Variants in PRKN observed in about 807,000 individuals in gnomAD.
PRKN encodes the protein parkin RBR E3 ubiquitin protein ligase.
In PRKN, 56 loss-of-function variants were observed where a neutral mutation model predicts 59.5. The observed-to-expected ratio is 0.94, with a 90% CI of 0.76 to 1.18. PRKN has a LOEUF of 1.18. Among genes scored for constraint, PRKN ranks in the 50% most tolerant of loss-of-function variants. PRKN has a pLI of 0.00. For synonymous variants in PRKN, 250 were observed against 222.1 expected (o/e 1.13, Z -1.12); for missense variants, 657 against 596.4 (o/e 1.10, Z -1.06).
intron 6 of PRKN, among the ~76,000 whole-genome samples, chr6:161,912,178 A>C (rs1316718344): frequency 1.8e-5 from 2 of 113,850 alleles, no homozygotes; most frequent in Non-Finnish European, 3.6e-5. Flanking sequence ...ATCTGTCCTA[A>C]AAAAAAAAAA....
At chr6:161,537,694 G>T (rs369403416) in intron 9 of PRKN, among the ~76,000 whole-genome samples, 2 of 152,032 alleles carry the variant, frequency 1.3e-5, no homozygotes, top group East Asian at 1.9e-4. Flanking sequence ...CTCGTGATCC[G>T]CCCGCCTTAG....
chr6:161,922,771 C>G (rs1778832252), intron 6 of PRKN, among the ~76,000 whole-genome samples: 1 of 152,068 alleles, frequency 6.6e-6, no homozygotes, highest in South Asian at 2.1e-4. Context: ...AATAAAGAAG[C>G]CAGCATAAGC....
At chr6:162,301,021 C>T (rs1204693984) in intron 2 of PRKN, among the ~76,000 whole-genome samples, 1 of 150,338 alleles carries the variant, frequency 6.7e-6, no homozygotes, top group Non-Finnish European at 1.5e-5. Context: ...TTTATAACTT[C>T]TGAAAAAAAG....
chr6:161,651,369 G>C (rs1426926203), intron 7 of PRKN, among the ~76,000 whole-genome samples: 8 of 152,146 alleles, frequency 5.3e-5, no homozygotes, highest in Non-Finnish European at 1.2e-4. Flanking sequence ...TTCAAGTATG[G>C]GCCAGGTGCT....
intron 7 of PRKN, among the ~76,000 whole-genome samples, chr6:161,766,832 T>A (rs1789442939): frequency 6.6e-6 from 1 of 152,108 alleles, no homozygotes; most frequent in Non-Finnish European, 1.5e-5. Flanking sequence ...GTGGAAGAAG[T>A]CCTAGACATG....
chr6:162,063,607 C>T (rs951838539), intron 4 of PRKN, among the ~76,000 whole-genome samples: 6 of 125,494 alleles, frequency 4.8e-5, no homozygotes, highest in Admixed American at 2.7e-4. Context: ...TGCAGTGGTG[C>T]GATCTCCGCT....
rs1360141441 is a variant in PRKN at position 161,503,420 on chromosome 6, G to T, written c.1083+45434C>A. On this transcript the variant is annotated intron_variant, in intron 9 of 11. Coordinates refer to ENST00000366898, the MANE Select transcript of PRKN (RefSeq NM_004562.3). This position sits in a 1 kb window ranked among gnomAD's most constrained non-coding sequence, Gnocchi z 5.1. ...GGTCATTCTCACCACAAATATATGGGATAAGTACCATTTTCATCCTAAATA... is the reference window on the plus strand; with the variant it reads ...GGTCATTCTCACCACAAATATATGGTATAAGTACCATTTTCATCCTAAATA... Among the ~76,000 whole-genome samples, 1 of 152,152 alleles carries T rather than the reference G, an allele frequency of 6.6e-6. No individual in the cohort carries two copies. The highest frequency in any genetic ancestry group is 1.5e-5 in the Non-Finnish European group (1 of 68,034).
intron 2 of PRKN, among the ~76,000 whole-genome samples, chr6:162,384,831 A>G (rs1176394467): frequency 6.6e-6 from 1 of 152,132 alleles, no homozygotes; most frequent in Non-Finnish European, 1.5e-5. Context: ...GCTGCAATGC[A>G]GAGAGGAGAA....
At chr6:162,295,238 T>G (rs1271351026) in intron 2 of PRKN, among the ~76,000 whole-genome samples, 2 of 152,184 alleles carry the variant, frequency 1.3e-5, no homozygotes, top group Non-Finnish European at 1.5e-5. Flanking sequence ...ATTGCCAAGC[T>G]TTCTTACCAG....
intron 1 of PRKN, among the ~76,000 whole-genome samples, chr6:162,571,798 T>C (rs953541591): frequency 3.3e-5 from 5 of 152,080 alleles, no homozygotes; most frequent in African/African-American, 1.2e-4. Context: ...GCATACAGGA[T>C]AAACAGCAAG....
chr6:161,686,997 C>G (rs1785581872), intron 7 of PRKN, among the ~76,000 whole-genome samples: 1 of 152,096 alleles, frequency 6.6e-6, no homozygotes, highest in Non-Finnish European at 1.5e-5. Flanking sequence ...TTGCTGTGCA[C>G]TTTATAGAGA....
Position 162,004,106 on chromosome 6 carries a change from T to C in PRKN, c.619-30689A>G, listed in dbSNP as rs138530270. ...TCATATTGAATTGTAATCCCCAGTG[T>C]TGGAGGTGGGGCCTGGTGGGAGGTC... is the stretch of plus-strand genomic sequence containing the variant. On this transcript the variant is annotated intron_variant, in intron 5 of 11. Transcript: ENST00000366898. 1.8e-4 allele frequency among the ~76,000 whole-genome samples: 28 copies of C among 152,272 alleles called. 1 individual carries two copies. The East Asian group carries it at 5.0e-3, about 27-fold the overall frequency.
rs560918575 is a variant in PRKN, at chr6:161,729,781, G to A, written c.871+55991C>T. Among the ~76,000 whole-genome samples, 11 of 152,354 alleles carry A rather than the reference G, an allele frequency of 7.2e-5. No homozygotes were observed. In the South Asian group the frequency reaches 2.3e-3, roughly 32 times the overall value. ...CTGATGTGTTACATTCTGAGGTGTT[G>A]CATTCTGACATGCTGCATTCTTCCT... On this transcript the variant is annotated intron_variant, in intron 7 of 11. Coordinates refer to ENST00000366898, the MANE Select transcript of PRKN (RefSeq NM_004562.3).
At chr6:161,885,179 C>T (rs771843062) in intron 6 of PRKN, among the ~76,000 whole-genome samples, 47 of 151,804 alleles carry the variant, frequency 3.1e-4, no homozygotes, top group Non-Finnish European at 2.2e-4. Flanking sequence ...GGCTTCACCC[C>T]GGACCTACTG....
At chr6:162,276,727 G>GTC (rs1780653763) in intron 2 of PRKN, among the ~76,000 whole-genome samples, 2 of 151,644 alleles carry the variant, frequency 1.3e-5, no homozygotes, top group African/African-American at 2.4e-5. Flanking sequence ...GTGTGTGTGT[G>GTC]TATTTAAGCA....
At chr6:162,541,606 T>C (rs1583761935) in intron 1 of PRKN, among the ~76,000 whole-genome samples, 1 of 152,278 alleles carries the variant, frequency 6.6e-6, no homozygotes, top group East Asian at 1.9e-4. Context: ...ATTTCTTAGT[T>C]TGCAGGTAGT....
At chr6:162,603,925 G>A (rs1781804321) in intron 1 of PRKN, among the ~76,000 whole-genome samples, 1 of 152,132 alleles carries the variant, frequency 6.6e-6, no homozygotes. Flanking sequence ...ATATTTCAGA[G>A]GAGTTTCATG....
At chr6:162,630,355 T>A (rs1261095112) in intron 1 of PRKN, among the ~76,000 whole-genome samples, 4 of 152,144 alleles carry the variant, frequency 2.6e-5, no homozygotes, top group Admixed American at 2.6e-4. Flanking sequence ...TTACTTTGAT[T>A]TCCCAGGCTG....
intron 6 of PRKN, among the ~76,000 whole-genome samples, chr6:161,898,989 A>C (rs1314972582): frequency 6.6e-6 from 1 of 152,236 alleles, no homozygotes; most frequent in African/African-American, 2.4e-5. Flanking sequence ...CAAGGGCAAA[A>C]GGGCAGGGAA....
Sources: gnomAD v4.1 joint callset for allele counts (sites outside exome capture counted in the v4.1 genomes callset) on GRCh38, gnomAD v4.1.1 for gene constraint, Gnocchi (gnomAD v3.1) non-coding constraint, MANE v1.5 for transcripts, NCBI Gene and HGNC (gene_info 2026-07-23, HGNC 2026-07-21) for gene names.